Variants in ARHGAP44 observed in about 807,000 individuals in gnomAD.
ARHGAP44 encodes the protein rho GTPase-activating protein 44.
A neutral mutation model predicts 106.8 loss-of-function variants in ARHGAP44; 43 were observed. That is an observed-to-expected ratio of 0.40 (90% confidence interval 0.32 to 0.52). ARHGAP44 has a LOEUF of 0.52. ARHGAP44 is among the 20% of genes least tolerant of loss of function. The pLI is 0.48. For missense variants in ARHGAP44, 866 were observed against 1,050.5 expected (o/e 0.82, Z 2.43); for synonymous variants, 439 against 410.3 (o/e 1.07, Z -0.85).
At chr17:12,957,264 C>G (rs781492826) in intron 15 of ARHGAP44, among the ~76,000 whole-genome samples, 3 of 152,200 alleles carry the variant, frequency 2.0e-5, no homozygotes, top group African/African-American at 4.8e-5. Context: ...GGCCTGTAAT[C>G]TCTATTTCAA....
intron 1 of ARHGAP44, among the ~76,000 whole-genome samples, chr17:12,847,789 G>A (rs1393484658): frequency 6.6e-6 from 1 of 152,164 alleles, no homozygotes; most frequent in African/African-American, 2.4e-5. Flanking sequence ...ACAGGCGTGA[G>A]CCACCGCGCC....
intron 1 of ARHGAP44, among the ~76,000 whole-genome samples, chr17:12,873,287 A>G (rs888263069): frequency 6.6e-6 from 1 of 152,238 alleles, no homozygotes; most frequent in East Asian, 1.9e-4. Flanking sequence ...CCATGTCTCT[A>G]TGTGGCAGAT....
rs201835763 is a variant in ARHGAP44 at position 12,847,510 on chromosome 17, C to CTTTTTTTTTTTTTTT, written c.54-47429_54-47428insTTTTTTTTTTTTTTT. Among the ~76,000 whole-genome samples the CTTTTTTTTTTTTTTT allele has an allele frequency of 2.2e-5, 3 of 133,602 alleles. 1 individual carries two copies. The highest frequency in any genetic ancestry group is 9.9e-5 in the African/African-American group (3 of 30,206). The allele number at this position is 133,602 out of a possible 152,430, so 87.6% of individuals were successfully genotyped here. A position where few individuals can be genotyped will look rare whatever the true frequency, so the allele number is the denominator to read the frequency against. ...TACACCTTCCTTCAAGCTACCATCA[C>CTTTTTTTTTTTTTTT]TCTTTTTTTTTTTTTTTTTTTGAGA... is the stretch of plus-strand genomic sequence containing the variant. On this transcript the variant is annotated intron_variant, in intron 1 of 20. Transcript: ENST00000379672.
At chr17:12,877,208 T>G (rs2036583177) in intron 1 of ARHGAP44, among the ~76,000 whole-genome samples, 1 of 152,182 alleles carries the variant, frequency 6.6e-6, no homozygotes. Context: ...ACTGCAACAT[T>G]TTACATTGCC....
intron 13 of ARHGAP44, 117 bp downstream of exon 13, chr17:12,952,698 A>G (rs1456808254): frequency 8.5e-6 from 5 of 586,920 alleles, no homozygotes; most frequent in Non-Finnish European, 8.8e-6. Context: ...ATGATGTCCA[A>G]GGTATTATTA....
chr17:12,838,884 T>A (rs1423245680), intron 1 of ARHGAP44, among the ~76,000 whole-genome samples: 11 of 151,924 alleles, frequency 7.2e-5, no homozygotes, highest in Non-Finnish European at 1.3e-4. Flanking sequence ...ATATATATAT[T>A]TAAATAGAGA....
At chr17:12,828,388 A>G (rs1248783377) in intron 1 of ARHGAP44, among the ~76,000 whole-genome samples, 1 of 152,052 alleles carries the variant, frequency 6.6e-6, no homozygotes, top group African/African-American at 2.4e-5. Context: ...CCAGTTTGCA[A>G]TGAGGTATTT....
At position 12,944,060 on chromosome 17, in the gene ARHGAP44, T is replaced by C; in HGVS notation, c.734-9T>C. ...CAGCTGACTGACTCTTTCTCACTCC[T>C]CCCCTCAGAGGCCTGGGTAGAGAAG... On this transcript the variant is annotated splice_polypyrimidine_tract_variant and intron_variant, in intron 9 of 20. Transcript: ENST00000379672. 1 of 1,593,546 alleles carries C rather than the reference T, an allele frequency of 6.3e-7. No homozygotes were observed. The highest frequency in any genetic ancestry group is 1.1e-5 in the South Asian group (1 of 89,402).
At chr17:12,989,565 C>CTGT (rs1369292770) in intron 20 of ARHGAP44, among the ~76,000 whole-genome samples, 7 of 152,164 alleles carry the variant, frequency 4.6e-5, no homozygotes, top group African/African-American at 1.7e-4. Flanking sequence ...CAAAATGCAG[C>CTGT]TGTTTCTTAG....
At chr17:12,903,138 A>AGT (rs1421977965) in intron 3 of ARHGAP44, among the ~76,000 whole-genome samples, 46 of 94,744 alleles carry the variant, frequency 4.9e-4, no homozygotes, top group South Asian at 7.8e-4. Flanking sequence ...AGAGAGAGAG[A>AGT]GAGTGTGTGT....
chr17:12,974,953 G>A (rs1195442123), intron 18 of ARHGAP44, among the ~76,000 whole-genome samples: 1 of 151,616 alleles, frequency 6.6e-6, no homozygotes, highest in Admixed American at 6.6e-5. Context: ...AGGCTCAAGC[G>A]ATTCTCCTGC....
chr17:12,950,865 A>G (rs2038976470), intron 12 of ARHGAP44, among the ~76,000 whole-genome samples: 4 of 152,212 alleles, frequency 2.6e-5, no homozygotes, highest in Admixed American at 2.6e-4. Context: ...CAACAACACC[A>G]TGAGGAACAG....
At chr17:12,957,967 G>T (rs950696556) in intron 15 of ARHGAP44, among the ~76,000 whole-genome samples, 1 of 152,158 alleles carries the variant, frequency 6.6e-6, no homozygotes, top group Non-Finnish European at 1.5e-5. Context: ...TTTTAAGGTC[G>T]AACTGCTGAC....
rs533460372 is a variant in ARHGAP44 at position 12,956,094 on chromosome 17, C to T, written c.1250+114C>T. 2.1e-5 allele frequency: 15 copies of T among 706,682 alleles called. No homozygotes were observed. In the South Asian group the frequency reaches 2.7e-4, roughly 13 times the overall value. 43.8% of individuals were successfully genotyped at this position (706,682 alleles called of 1,614,324 possible). A position where few individuals can be genotyped will look rare whatever the true frequency, so the allele number is the denominator to read the frequency against. On this transcript the variant is annotated intron_variant, in intron 14 of 20. Transcript: ENST00000379672. ...GCACCAGCCTCATGTATTTTCCAAA[C>T]CCTATTTCTTTGTTGGCCTGCTCCT... is the stretch of plus-strand genomic sequence containing the variant.
At chr17:12,973,212 A>C (rs901941320) in intron 16 of ARHGAP44, 90 bp from the exon 17 acceptor site, 2 of 1,354,748 alleles carry the variant, frequency 1.5e-6, no homozygotes, top group Non-Finnish European at 2.1e-6. Flanking sequence ...TGGACCATGG[A>C]GAGAGACCCC....
At chr17:12,962,365 T>C (rs79477072) in intron 16 of ARHGAP44, among the ~76,000 whole-genome samples, 1 of 152,134 alleles carries the variant, frequency 6.6e-6, no homozygotes, top group South Asian at 2.1e-4. Flanking sequence ...AGCTTACATA[T>C]ACATTTTTCA....
At chr17:12,828,170 G>A (rs1054310879) in intron 1 of ARHGAP44, among the ~76,000 whole-genome samples, 22 of 151,660 alleles carry the variant, frequency 1.5e-4, no homozygotes, top group Admixed American at 4.6e-4. Flanking sequence ...CAACCTAATA[G>A]ATGATTATAT....
At chr17:12,945,823 G>A (rs1255713981) in intron 10 of ARHGAP44, among the ~76,000 whole-genome samples, 3 of 152,164 alleles carry the variant, frequency 2.0e-5, no homozygotes, top group Admixed American at 6.5e-5. Context: ...GTCTTGCTCT[G>A]TTGCCCAGGC....
intron 1 of ARHGAP44, among the ~76,000 whole-genome samples, chr17:12,848,239 CTT>C (rs1038724690): frequency 7.9e-5 from 12 of 152,170 alleles, no homozygotes; most frequent in Non-Finnish European, 1.8e-4. Context: ...AGCATAGAAT[CTT>C]TGTCTTAAAT....
Sources: gnomAD v4.1 joint callset for allele counts (sites outside exome capture counted in the v4.1 genomes callset) on GRCh38, gnomAD v4.1.1 for gene constraint, MANE v1.5 for transcripts, NCBI Gene and HGNC (gene_info 2026-07-23, HGNC 2026-07-21) for gene names.